MACROD2: variants seen among roughly 807,000 people sequenced by gnomAD.
The protein encoded by MACROD2 is mono-ADP ribosylhydrolase 2.
A neutral mutation model predicts 70.4 loss-of-function variants in MACROD2; 36 were observed. The observed-to-expected ratio is 0.51, with a 90% CI of 0.39 to 0.68. The LOEUF is 0.68. Ranked by LOEUF, MACROD2 falls within the 30% of genes least tolerant of loss-of-function variation. The pLI is 0.00. For missense variants in MACROD2, 496 were observed against 538.4 expected, an observed-to-expected ratio of 0.92 and a Z score of 0.78; for synonymous variants, 172 against 178.8, an observed-to-expected ratio of 0.96 and a Z score of 0.30.
intron 6 of MACROD2, among the ~76,000 whole-genome samples, chr20:15,365,385 G>T (rs1357507045): frequency 6.6e-6 from 1 of 152,088 alleles, no homozygotes. Context: ...ATTGGAAGAG[G>T]CCAGGCATGG....
At chr20:14,213,933 A>G (rs6079353) in intron 3 of MACROD2, among the ~76,000 whole-genome samples, 142,424 of 152,194 alleles carry the variant, frequency 0.94, 66,752 homozygotes, top group East Asian at 0.99. Flanking sequence ...TTTAATGGGA[A>G]TATGATTATC....
chr20:14,382,582 C>T (rs1393115237), intron 3 of MACROD2, among the ~76,000 whole-genome samples: 3 of 151,914 alleles, frequency 2.0e-5, no homozygotes, highest in South Asian at 2.1e-4. Context: ...GCAGGAGAAT[C>T]GCTTGAACCC....
intron 5 of MACROD2, among the ~76,000 whole-genome samples, chr20:14,994,722 T>C (rs2074935136): frequency 6.6e-6 from 1 of 152,244 alleles, no homozygotes; most frequent in Non-Finnish European, 1.5e-5. Context: ...ACTGTTCTTA[T>C]GATTTGAACT....
chr20:14,336,494 T>G (rs977227404), intron 3 of MACROD2, among the ~76,000 whole-genome samples: 3 of 152,176 alleles, frequency 2.0e-5, no homozygotes, highest in African/African-American at 7.2e-5. Flanking sequence ...TTTAACTACT[T>G]TTTCAAGCTT....
intron 3 of MACROD2, among the ~76,000 whole-genome samples, chr20:14,462,854 G>A (rs1008767357): frequency 6.6e-6 from 1 of 152,038 alleles, no homozygotes; most frequent in Non-Finnish European, 1.5e-5. Flanking sequence ...TAGATATGCG[G>A]CATTATTTCT....
chr20:15,441,039 C>T (rs1026015331), intron 7 of MACROD2, among the ~76,000 whole-genome samples: 53 of 152,174 alleles, frequency 3.5e-4, no homozygotes, highest in African/African-American at 1.3e-3. Context: ...CCAAGCCTAT[C>T]TCTATCATAG....
At chr20:14,128,442 T>C (rs994699582) in intron 3 of MACROD2, 1 of 152,900 alleles carries the variant, frequency 6.5e-6, no homozygotes. Context: ...AGTTTGAGGC[T>C]ACCAGAAGTT....
At chr20:15,766,024 C>T (rs1002422374) in intron 8 of MACROD2, among the ~76,000 whole-genome samples, 1 of 152,128 alleles carries the variant, frequency 6.6e-6, no homozygotes, top group Non-Finnish European at 1.5e-5. Flanking sequence ...ACTCTTACTC[C>T]TCCATCTGAA....
At chr20:15,236,046 G>T (rs938532250) in intron 6 of MACROD2, among the ~76,000 whole-genome samples, 1 of 152,120 alleles carries the variant, frequency 6.6e-6, no homozygotes, top group African/African-American at 2.4e-5. Context: ...CAAGAACAAA[G>T]GCACTTTTGC....
rs2076808802 is a variant in MACROD2 at position 15,216,220 on chromosome 20, AG to A, written c.419-13717del. Among the ~76,000 whole-genome samples, 7 of 152,282 alleles carry A rather than the reference AG, an allele frequency of 4.6e-5. No homozygotes were observed. In the South Asian group the frequency reaches 1.4e-3, roughly 32 times the overall value. Reference sequence around the variant, plus strand: ...TATAATTGGATTGTTTATAACACAAAGGGTAAATGCTTGAGGGGATGGATAC... The same window carrying A: ...TATAATTGGATTGTTTATAACACAAAGGTAAATGCTTGAGGGGATGGATAC... On this transcript the variant is annotated intron_variant, in intron 5 of 17. Transcript: ENST00000684519.
In MACROD2 at chr20:14,649,613, A is replaced by T. The variant is rs1600498282; in HGVS notation, c.302-35230A>T. 2.0e-5 allele frequency among the ~76,000 whole-genome samples: 3 copies of T among 152,054 alleles called. No individual in the cohort carries two copies. The East Asian group carries it at 5.8e-4, about 29-fold the overall frequency. Reference sequence around the variant, plus strand: ...TAGGGACATAGAATGCTAACAAAGAACTGGTTTTGGAGCTTGGTCATGGGG... The same window carrying T: ...TAGGGACATAGAATGCTAACAAAGATCTGGTTTTGGAGCTTGGTCATGGGG... On this transcript the variant is annotated intron_variant, in intron 4 of 17. Transcript: ENST00000684519.
At chr20:15,645,260 A>AT (rs1204401230) in intron 8 of MACROD2, among the ~76,000 whole-genome samples, 1 of 152,178 alleles carries the variant, frequency 6.6e-6, no homozygotes, top group African/African-American at 2.4e-5. Flanking sequence ...GAGGGTCCCC[A>AT]TATCATCACA....
At chr20:15,361,879 A>G (rs1485638269) in intron 6 of MACROD2, among the ~76,000 whole-genome samples, 1 of 152,076 alleles carries the variant, frequency 6.6e-6, no homozygotes, top group Non-Finnish European at 1.5e-5. Context: ...TGCAGAATAA[A>G]ATTGATTTTT....
chr20:14,222,224 T>C (rs749503539), intron 3 of MACROD2, among the ~76,000 whole-genome samples: 6 of 152,176 alleles, frequency 3.9e-5, no homozygotes, highest in Non-Finnish European at 7.3e-5. Flanking sequence ...AGCAAAGATA[T>C]AGAATCAACC....
At chr20:14,063,295 A>AG (rs2053711609) in intron 2 of MACROD2, among the ~76,000 whole-genome samples, 1 of 152,198 alleles carries the variant, frequency 6.6e-6, no homozygotes, top group Non-Finnish European at 1.5e-5. Context: ...ATTTCTTTAT[A>AG]GGGGAATGTT....
rs537868650 is a variant in MACROD2 at position 14,193,750 on chromosome 20, C to G, written c.271+108022C>G. Reference sequence around the variant, plus strand: ...TACCCTGACCCTTTTCTCTTTTCAACTCCTAATCGCCTGCTGTAGTGCCCA... The same window carrying G: ...TACCCTGACCCTTTTCTCTTTTCAAGTCCTAATCGCCTGCTGTAGTGCCCA... On this transcript the variant is annotated intron_variant, in intron 3 of 17. Coordinates refer to ENST00000684519, the MANE Select transcript of MACROD2 (RefSeq NM_001351661.2). Among the ~76,000 whole-genome samples, 27 of 152,314 alleles carry G rather than the reference C, an allele frequency of 1.8e-4. 1 individual carries two copies. The South Asian group carries it at 3.5e-3, about 20-fold the overall frequency.
At chr20:14,021,626 T>C (rs1387187739) in intron 2 of MACROD2, among the ~76,000 whole-genome samples, 1 of 152,222 alleles carries the variant, frequency 6.6e-6, no homozygotes, top group African/African-American at 2.4e-5. Flanking sequence ...CAGAGCTTCC[T>C]ATTTCACTAT....
At position 14,213,361 on chromosome 20, in the gene MACROD2, C is replaced by CAAAAAAA. The variant is rs60009822; in HGVS notation, c.271+127652_271+127658dup. On this transcript the variant is annotated intron_variant, in intron 3 of 17. Coordinates refer to ENST00000684519, the MANE Select transcript of MACROD2 (RefSeq NM_001351661.2). Reference sequence around the variant, plus strand: ...ATAGTTGATTTTGAGCTTCTAGTGGCAAAAAAAAAAAAAAAAAAAAAAAAA... The same window carrying CAAAAAAA: ...ATAGTTGATTTTGAGCTTCTAGTGGCAAAAAAAAAAAAAAAAAAAAAAAAAAAAAAAA... Among the ~76,000 whole-genome samples the CAAAAAAA allele has an allele frequency of 4.7e-3, 143 of 30,254 alleles. 56 individuals are homozygous for CAAAAAAA. Among genetic ancestry groups the CAAAAAAA allele is most frequent in the Admixed American group, 8.6e-3 (12 of 1,390 alleles). The allele number at this position is 30,254 out of a possible 152,430, so 19.8% of individuals were successfully genotyped here.
At chr20:14,296,838 T>C (rs1227990498) in intron 3 of MACROD2, among the ~76,000 whole-genome samples, 1 of 151,970 alleles carries the variant, frequency 6.6e-6, no homozygotes, top group Non-Finnish European at 1.5e-5. Context: ...TTTCATTTTA[T>C]TGTCCTTCAC....
Sources: gnomAD v4.1 joint callset for allele counts (sites outside exome capture counted in the v4.1 genomes callset) on GRCh38, gnomAD v4.1.1 for gene constraint, MANE v1.5 for transcripts, NCBI Gene and HGNC (gene_info 2026-07-23, HGNC 2026-07-21) for gene names.